Variants in IRAG2 observed in about 807,000 individuals in gnomAD.
IRAG2 encodes the protein inositol 1,4,5-triphosphate receptor associated 2.
Under a neutral mutation model 69.9 loss-of-function variants are expected in IRAG2, and 45 were observed. The ratio of observed to expected loss-of-function variants is 0.64; its 90% CI spans 0.51 to 0.83. IRAG2 has a LOEUF of 0.83. Ranked by LOEUF, IRAG2 falls within the 40% of genes least tolerant of loss-of-function variation. The probability of loss-of-function intolerance (pLI) is 0.00; values close to 1 mark genes in which losing one functional copy is unlikely to be tolerated. For synonymous variants in IRAG2, 193 were observed against 202.4 expected (o/e 0.95, Z 0.40); for missense variants, 520 against 587.0 (o/e 0.89, Z 1.18).
intron 12 of IRAG2, among the ~76,000 whole-genome samples, chr12:25,032,886 ACATT>A (rs998730875): frequency 3.9e-5 from 6 of 152,216 alleles, no homozygotes; most frequent in Non-Finnish European, 8.8e-5. Flanking sequence ...GGGCAAACAA[ACATT>A]CAGTCCATTG....
Position 25,096,900 on chromosome 12 carries a change from T to C in IRAG2, c.607-10T>C. 6.2e-7 allele frequency: 1 copy of C among 1,602,732 alleles called. No individual in the cohort carries two copies. On this transcript the variant is annotated splice_polypyrimidine_tract_variant and intron_variant, in intron 14 of 21. Transcript: ENST00000556887. ...GTTAGATATCTTTTAATATGCTGTT[T>C]TCTATACAGTCTTTAACACCTCTGT...
At chr12:25,023,734 T>G (rs906042817) in intron 7 of IRAG2, 14 of 428,604 alleles carry the variant, frequency 3.3e-5, no homozygotes, top group African/African-American at 2.8e-4. Flanking sequence ...ATTGAAAATA[T>G]TTTCAGAGTA....
chr12:25,037,104 G>A (rs906109691), intron 15 of IRAG2, among the ~76,000 whole-genome samples: 1 of 152,058 alleles, frequency 6.6e-6, no homozygotes. Context: ...GGAAAAACAG[G>A]AACTTCTTAG....
intron 9 of IRAG2, among the ~76,000 whole-genome samples, chr12:25,029,854 T>G (rs2139846056): frequency 1.3e-5 from 2 of 152,282 alleles, no homozygotes; most frequent in East Asian, 3.9e-4. Context: ...CTAAACTATG[T>G]TTTTAAAAGG....
At chr12:25,062,171 G>T (rs1397645487) in intron 2 of IRAG2, among the ~76,000 whole-genome samples, 1 of 152,078 alleles carries the variant, frequency 6.6e-6, no homozygotes, top group Admixed American at 6.6e-5. Context: ...GTTCAGAAAT[G>T]AAGAACATAA....
upstream of IRAG2, among the ~76,000 whole-genome samples, chr12:25,000,846 A>G (rs919872660): frequency 2.6e-5 from 4 of 152,356 alleles, no homozygotes; most frequent in South Asian, 6.2e-4. Flanking sequence ...CTTAATTTTC[A>G]CTTAATGCCT....
chr12:25,043,299 G>T lies in IRAG2; in HGVS notation c.2144+5162G>T, dbSNP rs143501112. ...GCTTCTCCCTAGCATGGTGGGGTGG[G>T]GAGGAGAATCAAACCACATGTCCAA... On this transcript the variant is annotated intron_variant, in intron 16 of 38. Transcript: ENST00000636465. Among the ~76,000 whole-genome samples the T allele has an allele frequency of 2.2e-3, 330 of 152,268 alleles. 1 individual carries two copies. The highest frequency in any genetic ancestry group is 7.7e-3 in the African/African-American group (321 of 41,564).
At chr12:25,088,190 C>G (rs1565576125) in intron 11 of IRAG2, 33 bp downstream of exon 11, 2 of 1,539,872 alleles carry the variant, frequency 1.3e-6, no homozygotes, top group Non-Finnish European at 1.8e-6. Context: ...CCCATGTGAA[C>G]TTTTGTTCTC....
exon 6 of IRAG2, chr12:25,017,161 A>G: frequency 8.1e-7 from 1 of 1,232,088 alleles, no homozygotes; most frequent in Non-Finnish European, 1.0e-6. Context: ...TTGCCTACGT[A>G]GCAGACCTTC....
Position 25,108,272 on chromosome 12 carries a change from A to G in IRAG2, c.*212A>G. ...CCTATGATCTTTGAATGAGCTTTTT[A>G]AGGAAGAAATATTATATATTGTTTG... On this transcript the variant is annotated 3_prime_UTR_variant, in exon 22 of 22. Coordinates refer to ENST00000556887, the MANE Select transcript of IRAG2 (RefSeq NM_001366544.2). The G allele has an allele frequency of 1.7e-6, 1 of 574,848 alleles. No homozygotes were observed. The highest frequency in any genetic ancestry group is 2.9e-5 in the East Asian group (1 of 34,970). The allele number at this position is 574,848 out of a possible 1,614,324, so 35.6% of individuals were successfully genotyped here.
Position 25,079,424 on chromosome 12 carries a change from G to A in IRAG2, c.98G>A (p.Arg33Lys). Residue 33 changes from arginine to lysine, a missense_variant, in exon 8 of 22, where the codon AGA (arginine) becomes AAA (lysine). Physicochemically the swap from Arg to Lys is conservative, Grantham distance 26. Coordinates refer to ENST00000556887, the MANE Select transcript of IRAG2 (RefSeq NM_001366544.2). The stretch of plus-strand genomic sequence containing the variant: ...GAATATTCCTCACTACCATTACCCA[G>A]ACACACTTCATCGACAGACGGTACT... ...SREYSSLPLP[R>K]HTSSTDGTIT... The A allele has an allele frequency of 6.2e-7, 1 of 1,613,794 alleles. No individual in the cohort carries two copies. Among genetic ancestry groups the A allele is most frequent in the Non-Finnish European group, 8.5e-7 (1 of 1,179,730 alleles).
chr12:25,033,129 G>A (rs1346534762), intron 12 of IRAG2, among the ~76,000 whole-genome samples: 1 of 151,928 alleles, frequency 6.6e-6, no homozygotes, highest in Non-Finnish European at 1.5e-5. Context: ...GCTAATTTTT[G>A]TATTTTTAGT....
chr12:25,056,544 C>T (rs1945270523), intron 1 of IRAG2, among the ~76,000 whole-genome samples: 1 of 152,260 alleles, frequency 6.6e-6, no homozygotes, highest in African/African-American at 2.4e-5. Flanking sequence ...GCTTCAGTAT[C>T]CTCTTTGGTT....
chr12:25,006,329 A>G (rs859134), intron 2 of IRAG2: 64,807 of 152,056 alleles, frequency 0.43, 14,662 homozygotes, highest in South Asian at 0.59. Context: ...AGATTCCTCA[A>G]AGAATTTAGA....
chr12:25,107,366 T>C (rs866675580), intron 21 of IRAG2, among the ~76,000 whole-genome samples: 1 of 152,196 alleles, frequency 6.6e-6, no homozygotes, highest in Non-Finnish European at 1.5e-5. Flanking sequence ...AAACAGTATA[T>C]ACTGGGTTTA....
upstream of IRAG2, chr12:25,052,652 T>C (rs1215815837): frequency 7.6e-6 from 3 of 397,322 alleles, no homozygotes; most frequent in Non-Finnish European, 1.3e-5. Context: ...AAACACAGAA[T>C]TGCAGAAGTT....
chr12:25,019,122 G>T (rs2139832454), intron 6 of IRAG2, among the ~76,000 whole-genome samples: 1 of 152,300 alleles, frequency 6.6e-6, no homozygotes, highest in Admixed American at 6.5e-5. Context: ...GCCTTTAGGT[G>T]CCAGGAGGAA....
At chr12:25,072,704 T>C (rs2140047086) in intron 6 of IRAG2, among the ~76,000 whole-genome samples, 1 of 152,316 alleles carries the variant, frequency 6.6e-6, no homozygotes, top group South Asian at 2.1e-4. Flanking sequence ...ATTCTGTCAA[T>C]CTCTACAGCC....
chr12:25,013,876 T>C lies in IRAG2; in HGVS notation c.897-1306T>C, dbSNP rs1251628941. Among the ~76,000 whole-genome samples, 41 of 125,470 alleles carry C rather than the reference T, an allele frequency of 3.3e-4. No homozygotes were observed. In the East Asian group the frequency reaches 7.2e-3, roughly 22 times the overall value. The allele number at this position is 125,470 out of a possible 152,430, so 82.3% of individuals were successfully genotyped here. A position where few individuals can be genotyped will look rare whatever the true frequency, so the allele number is the denominator to read the frequency against. On this transcript the variant is annotated intron_variant, in intron 3 of 38. Coordinates refer to the IRAG2 transcript ENST00000636465. ...TTTTGTTTTCTTTTTCTTTTTTTTT[T>C]TTTTTTTTTTTTTTTTGAGACAGAG...
Sources: allele counts gnomAD v4.1 joint callset (sites outside exome capture counted in the v4.1 genomes callset), GRCh38; gene constraint gnomAD v4.1.1; transcripts MANE v1.5; gene names NCBI Gene and HGNC (gene_info 2026-07-23, HGNC 2026-07-21).